The following IGF2R variants were observed in gnomAD, a reference collection of about 807,000 sequenced individuals.
The protein encoded by IGF2R is insulin like growth factor 2 receptor, also known as cation-independent mannose-6-phosphate receptor.
IGF2R carries 91 observed loss-of-function variants against 270.6 expected under a neutral mutation model. The ratio of observed to expected loss-of-function variants is 0.34; its 90% CI spans 0.28 to 0.40. The LOEUF is 0.40. IGF2R is among the 10% of genes least tolerant of loss of function. The pLI is 1.00. For synonymous variants in IGF2R, 1,316 were observed against 1,258.9 expected (o/e 1.05, Z -0.96); for missense variants, 2,805 against 3,188.3 (o/e 0.88, Z 2.90).
Position 159,984,446 on chromosome 6 carries a change from C to T in IGF2R, c.150-6738C>T, listed in dbSNP as rs532734844. ...ACTCACTCACTGACTCACCCAGAGCCGCTTCCAGTCCTGCAGGCTCCATTC... is the reference window on the plus strand; with the variant it reads ...ACTCACTCACTGACTCACCCAGAGCTGCTTCCAGTCCTGCAGGCTCCATTC... On this transcript the variant is annotated intron_variant, in intron 1 of 47. Coordinates refer to ENST00000356956, the MANE Select transcript of IGF2R (RefSeq NM_000876.4). 5.9e-5 allele frequency among the ~76,000 whole-genome samples: 9 copies of T among 152,334 alleles called. No homozygotes were observed. In the South Asian group the frequency reaches 1.0e-3, roughly 18 times the overall value.
chr6:160,059,814 G>T lies in IGF2R; in HGVS notation c.3091+716G>T, dbSNP rs75405174. Among the ~76,000 whole-genome samples, 882 of 152,318 alleles carry T rather than the reference G, an allele frequency of 5.8e-3. 8 individuals carry two copies. The highest frequency in any genetic ancestry group is 0.02 in the African/African-American group (827 of 41,562). On this transcript the variant is annotated intron_variant, in intron 22 of 47. Transcript: ENST00000356956. ...TCCCACCCTCCCCTCTTGAATCTTTGTACTTGCTCCTCGCTCTGCAACCAG... is the reference window on the plus strand; with the variant it reads ...TCCCACCCTCCCCTCTTGAATCTTTTTACTTGCTCCTCGCTCTGCAACCAG...
intron 19 of IGF2R, among the ~76,000 whole-genome samples, chr6:160,054,823 T>C (rs1285400718): frequency 6.6e-6 from 1 of 152,182 alleles, no homozygotes; most frequent in Non-Finnish European, 1.5e-5. Flanking sequence ...CTGGAAGCCA[T>C]GTTCATTATC....
At chr6:160,037,080 T>C (rs569795684) in intron 10 of IGF2R, among the ~76,000 whole-genome samples, 3 of 152,352 alleles carry the variant, frequency 2.0e-5, no homozygotes, top group African/African-American at 7.2e-5. Flanking sequence ...CCATGCGTCA[T>C]TGATGGCTCA....
At chr6:160,046,350 G>C (rs1778068794) in intron 14 of IGF2R, 148 bp from the exon 15 acceptor site, 3 of 681,684 alleles carry the variant, frequency 4.4e-6, no homozygotes, top group East Asian at 2.8e-5. Context: ...GTGGCCTCAA[G>C]GGGCAGCGTC....
chr6:159,995,577 A>G (rs1436758811), intron 2 of IGF2R, among the ~76,000 whole-genome samples: 2 of 152,130 alleles, frequency 1.3e-5, no homozygotes, highest in African/African-American at 4.8e-5. Flanking sequence ...ACCTGTCTTT[A>G]AGCTATTAGA....
Position 160,056,472 on chromosome 6 carries a change from C to T in IGF2R, c.2743C>T (p.Leu915=), listed in dbSNP as rs1475699725. Residue 915 remains leucine, a synonymous_variant, in exon 20 of 48, where the codon CTG becomes TTG. Transcript: ENST00000356956. ...SLNWECVVSF[L]WNTEAACPIQ... Reference sequence around the variant, plus strand: ...CAACTGGGAGTGTGTGGTCAGTTTCCTGTGGAACACAGAGGCTGCCTGTCC... The same window carrying T: ...CAACTGGGAGTGTGTGGTCAGTTTCTTGTGGAACACAGAGGCTGCCTGTCC... 6.2e-7 allele frequency: 1 copy of T among 1,614,006 alleles called. No homozygotes were observed. The highest frequency in any genetic ancestry group is 1.3e-5 in the African/African-American group (1 of 74,920).
intron 45 of IGF2R, among the ~76,000 whole-genome samples, chr6:160,100,807 T>G (rs1779468304): frequency 1.6e-5 from 2 of 121,458 alleles, no homozygotes; most frequent in African/African-American, 6.6e-5. Context: ...TTTTTTTTTT[T>G]GGAGACAGAG....
chr6:160,018,830 G>A (rs1237016538), intron 4 of IGF2R, among the ~76,000 whole-genome samples: 1 of 152,080 alleles, frequency 6.6e-6, no homozygotes, highest in Non-Finnish European at 1.5e-5. Context: ...GGCTAAGTGG[G>A]AAGTTTATAG....
At chr6:160,038,084 T>C (rs1452496945) in intron 10 of IGF2R, among the ~76,000 whole-genome samples, 2 of 152,202 alleles carry the variant, frequency 1.3e-5, no homozygotes, top group African/African-American at 4.8e-5. Flanking sequence ...GCCTCCTCCT[T>C]AGGCAGAGAG....
Position 160,078,188 on chromosome 6 carries a change from T to C in IGF2R, c.5317-13T>C. ...CATGGGGTTTTTAAGACCCGTGCTC[T>C]TCCTGGCAACAGGGAACGCCTAAGC... is the stretch of plus-strand genomic sequence containing the variant. On this transcript the variant is annotated splice_polypyrimidine_tract_variant and intron_variant, in intron 36 of 47. Transcript: ENST00000356956. The C allele has an allele frequency of 6.2e-7, 1 of 1,613,832 alleles. No individual in the cohort carries two copies. The highest frequency in any genetic ancestry group is 8.5e-7 in the Non-Finnish European group (1 of 1,179,748).
Position 160,084,916 on chromosome 6 carries a change from TA to T in IGF2R, c.6069-76del. 1 of 1,379,400 alleles carries T rather than the reference TA, an allele frequency of 7.2e-7. No individual in the cohort carries two copies. 85.4% of individuals were successfully genotyped at this position (1,379,400 alleles called of 1,614,324 possible). Reference sequence around the variant, plus strand: ...AGTTATCAGAACCTTTCTCTGAAAGTAAAGTGAAGAGCCCTCCTGTGTCAGG... The same window carrying T: ...AGTTATCAGAACCTTTCTCTGAAAGTAAGTGAAGAGCCCTCCTGTGTCAGG... On this transcript the variant is annotated intron_variant, in intron 40 of 47. Transcript: ENST00000356956. This position sits in a 1 kb window ranked among gnomAD's most constrained non-coding sequence, Gnocchi z 4.6.
At chr6:160,083,166 C>CA (rs1469317072) in intron 39 of IGF2R, among the ~76,000 whole-genome samples, 1 of 152,072 alleles carries the variant, frequency 6.6e-6, no homozygotes, top group African/African-American at 2.4e-5. Context: ...AGAAGGTCAA[C>CA]AAAAAACATG....
At chr6:160,085,229 T>G in intron 41 of IGF2R, 98 bp downstream of exon 41, 1 of 1,327,610 alleles carries the variant, frequency 7.5e-7, no homozygotes, top group Admixed American at 2.1e-5. Context: ...AGCATGTGCT[T>G]TGGTGGAAAC....
At chr6:160,062,272 C>T (rs1052870974) in intron 25 of IGF2R, among the ~76,000 whole-genome samples, 5 of 146,716 alleles carry the variant, frequency 3.4e-5, no homozygotes, top group Non-Finnish European at 7.4e-5. Context: ...CCCCCAGGTT[C>T]AAGTGATTCT....
At position 160,034,483 on chromosome 6, in the gene IGF2R, C is replaced by T. The variant is rs1333800436; in HGVS notation, c.1276C>T (p.Arg426Trp). The change falls in exon 10 of 48, where the codon CGG becomes TGG. Residue 426 changes from arginine (R) to tryptophan (W), a missense_variant. Physicochemically the swap from Arg to Trp is moderately radical, Grantham distance 101. Around this residue, in one of 2 missense-constraint regions of IGF2R, gnomAD observed 954 missense variants for 981.1 expected, o/e 0.97. Transcript: ENST00000356956. ...TGATGAATGCAGCTCAGGGTTTCAGCGGATGAGCGTCATAAACTTTGAGTG... is the reference window on the plus strand; with the variant it reads ...TGATGAATGCAGCTCAGGGTTTCAGTGGATGAGCGTCATAAACTTTGAGTG... Reference protein sequence around the residue: ...GGDECSSGFQRMSVINFECNK... With the variant: ...GGDECSSGFQWMSVINFECNK... 4 of 1,611,220 alleles carry T rather than the reference C, an allele frequency of 2.5e-6. No individual in the cohort carries two copies. Among genetic ancestry groups the T allele is most frequent in the Admixed American group, 1.7e-5 (1 of 59,996 alleles).
rs976733095 is a variant in IGF2R, at chr6:160,102,382, T to C, written c.6843-137T>C. On this transcript the variant is annotated intron_variant, in intron 45 of 47. Transcript: ENST00000356956. This position sits in a 1 kb window ranked among gnomAD's most constrained non-coding sequence, Gnocchi z 4.5. ...TGTGGAGTGGGACTTGTGGCCTTGT[T>C]TTCTGGGCAGGAGTAAGAATCACAT... The C allele has an allele frequency of 9.0e-5, 88 of 975,776 alleles. No homozygotes were observed. Among genetic ancestry groups the C allele is most frequent in the Admixed American group, 3.9e-4 (17 of 43,520 alleles). 60.4% of individuals were successfully genotyped at this position (975,776 alleles called of 1,614,324 possible).
In IGF2R at chr6:160,102,332, A is replaced by G. The variant is rs966098541; in HGVS notation, c.6843-187A>G. ...ACAACCCTGCCACAAACTCATCATC[A>G]GGAACTTTTTGCAGCCCTCTTCCAT... On this transcript the variant is annotated intron_variant, in intron 45 of 47. Transcript: ENST00000356956. The surrounding 1 kb of genome is among the most constrained non-coding windows in gnomAD (Gnocchi z 4.5). 3.9e-5 allele frequency among the ~76,000 whole-genome samples: 6 copies of G among 152,208 alleles called. No homozygotes were observed. The highest frequency in any genetic ancestry group is 1.2e-4 in the African/African-American group (5 of 41,464).
intron 19 of IGF2R, among the ~76,000 whole-genome samples, chr6:160,054,371 A>G (rs1778263049): frequency 6.6e-6 from 1 of 152,198 alleles, no homozygotes; most frequent in African/African-American, 2.4e-5. Context: ...CGAAAGGTGA[A>G]GCAGAGGACA....
intron 28 of IGF2R, 45 bp from the exon 29 acceptor site, chr6:160,064,759 G>T: frequency 7.3e-7 from 1 of 1,374,964 alleles, no homozygotes; most frequent in Non-Finnish European, 1.0e-6. Flanking sequence ...ATAAACTAAA[G>T]TTTTGCATTC....
Sources: gnomAD v4.1 joint callset for allele counts (sites outside exome capture counted in the v4.1 genomes callset) on GRCh38, gnomAD v4.1.1 for gene constraint, gnomAD v4.1.1 regional missense constraint, Gnocchi (gnomAD v3.1) non-coding constraint, MANE v1.5 for transcripts, NCBI Gene and HGNC (gene_info 2026-07-23, HGNC 2026-07-21) for gene names.